Variants in KIAA1671 observed in about 807,000 individuals in gnomAD.
KIAA1671 encodes uncharacterized protein KIAA1671.
In KIAA1671, 52 loss-of-function variants were observed where a neutral mutation model predicts 131.2. The observed-to-expected ratio is 0.40, with a 90% CI of 0.32 to 0.50. The LOEUF (loss-of-function observed/expected upper bound fraction) is 0.50. Among genes scored for constraint, KIAA1671 ranks in the 20% least tolerant of loss-of-function variants. KIAA1671 has a pLI of 0.73. For synonymous variants in KIAA1671, 1,003 were observed against 961.6 expected (o/e 1.04, Z -0.80); for missense variants, 2,360 against 2,364.2 (o/e 1.00, Z 0.04).
At chr22:25,120,412 G>C (rs1383949139) in intron 6 of KIAA1671, among the ~76,000 whole-genome samples, 1 of 152,210 alleles carries the variant, frequency 6.6e-6, no homozygotes, top group African/African-American at 2.4e-5. Context: ...ATGTCACCCA[G>C]AGAACAATGG....
At chr22:24,994,265 G>T (rs1923993549) in intron 1 of KIAA1671, among the ~76,000 whole-genome samples, 1 of 151,856 alleles carries the variant, frequency 6.6e-6, no homozygotes, top group African/African-American at 2.4e-5. Flanking sequence ...GGAAAGAGTG[G>T]TGTCATAGGT....
intron 6 of KIAA1671, among the ~76,000 whole-genome samples, chr22:25,147,577 G>A (rs968344573): frequency 6.6e-6 from 1 of 152,150 alleles, no homozygotes; most frequent in Admixed American, 6.5e-5. Flanking sequence ...CCTCCTGGAG[G>A]TCCTCTTGGC....
chr22:25,029,515 C>T lies in KIAA1671; in HGVS notation c.1516C>T (p.Pro506Ser). The T allele has an allele frequency of 6.5e-7, 1 of 1,546,082 alleles. No individual in the cohort carries two copies. Among genetic ancestry groups the T allele is most frequent in the Admixed American group, 2.0e-5 (1 of 50,628 alleles). ...EVRRRTFQAR[P>S]LSADLTKLFS... ...CAGGAGGAGGACGTTCCAGGCTCGG[C>T]CGCTGTCGGCGGATTTGACCAAATT... Residue 506 changes from proline to serine, a missense_variant, in exon 3 of 13, where the codon CCG (proline) becomes TCG (serine). Around this residue, in one of 3 missense-constraint regions of KIAA1671, gnomAD observed 1,185 missense variants for 1,126.2 expected, o/e 1.05. Coordinates refer to ENST00000358431, the MANE Select transcript of KIAA1671 (RefSeq NM_001145206.2).
At chr22:25,067,734 A>T (rs1027789513) in intron 6 of KIAA1671, among the ~76,000 whole-genome samples, 1 of 152,086 alleles carries the variant, frequency 6.6e-6, no homozygotes, top group Admixed American at 6.5e-5. Context: ...CTGGGCTGAT[A>T]GGAGACCAGA....
chr22:24,956,069 A>C (rs1043540466), intron 1 of KIAA1671, among the ~76,000 whole-genome samples: 3 of 151,632 alleles, frequency 2.0e-5, no homozygotes, highest in Non-Finnish European at 4.4e-5. Flanking sequence ...AATCCTGGTG[A>C]GAGACCGCGG....
intron 1 of KIAA1671, among the ~76,000 whole-genome samples, chr22:24,995,337 C>T (rs961268896): frequency 6.7e-6 from 1 of 150,244 alleles, no homozygotes; most frequent in Admixed American, 6.6e-5. Context: ...TAGGCGTGAG[C>T]CACTGCGCCC....
In KIAA1671 at chr22:25,093,742, C is replaced by CTT. The variant is rs1930168228; in HGVS notation, c.4530+44379_4530+44380insTT. Among the ~76,000 whole-genome samples, 103 of 118,528 alleles carry CTT rather than the reference C, an allele frequency of 8.7e-4. 1 individual carries two copies. The highest frequency in any genetic ancestry group is 1.3e-3 in the Non-Finnish European group (76 of 56,938). 77.8% of individuals were successfully genotyped at this position (118,528 alleles called of 152,430 possible). On this transcript the variant is annotated intron_variant, in intron 6 of 12. Coordinates refer to ENST00000358431, the MANE Select transcript of KIAA1671 (RefSeq NM_001145206.2). The stretch of plus-strand genomic sequence containing the variant: ...ACACACACACACACACACACACTCT[C>CTT]TCTCTCTCTCTCTCTCTCTCTCTCT...
At chr22:25,104,510 G>A (rs1051876187) in intron 6 of KIAA1671, among the ~76,000 whole-genome samples, 1 of 152,150 alleles carries the variant, frequency 6.6e-6, no homozygotes, top group African/African-American at 2.4e-5. Flanking sequence ...AACGTGCCCC[G>A]ACTTCCTGGC....
intron 6 of KIAA1671, among the ~76,000 whole-genome samples, chr22:25,164,495 T>G (rs9608375): frequency 0.11 from 16,121 of 152,288 alleles, 925 homozygotes; most frequent in East Asian, 0.16. Flanking sequence ...CAGGCAGAGC[T>G]CTCTGCCTGC....
chr22:25,088,709 C>T (rs541723522), intron 6 of KIAA1671, among the ~76,000 whole-genome samples: 1 of 152,190 alleles, frequency 6.6e-6, no homozygotes, highest in African/African-American at 2.4e-5. Context: ...CAGTGCAAAA[C>T]AGTGTTCTAA....
intron 1 of KIAA1671, among the ~76,000 whole-genome samples, chr22:25,017,452 T>C (rs1925389842): frequency 1.3e-5 from 2 of 152,198 alleles, no homozygotes; most frequent in Admixed American, 1.3e-4. Flanking sequence ...CATGGCACAC[T>C]GGTGGGCAGG....
chr22:24,984,426 C>T (rs1331710044), intron 1 of KIAA1671, among the ~76,000 whole-genome samples: 3 of 152,186 alleles, frequency 2.0e-5, no homozygotes, highest in Admixed American at 2.0e-4. Context: ...GGACCATCCT[C>T]AAATATAGCT....
At chr22:24,960,961 G>C (rs1278223252) in intron 1 of KIAA1671, among the ~76,000 whole-genome samples, 1 of 152,128 alleles carries the variant, frequency 6.6e-6, no homozygotes, top group East Asian at 1.9e-4. Context: ...GGGAAGGTGA[G>C]AGTTCTTATA....
At chr22:25,122,156 A>T (rs1304645560) in intron 6 of KIAA1671, among the ~76,000 whole-genome samples, 1 of 152,136 alleles carries the variant, frequency 6.6e-6, no homozygotes, top group Non-Finnish European at 1.5e-5. Flanking sequence ...CATAATAGTG[A>T]GGTAGGAAGT....
chr22:25,098,288 C>G (rs1930486652), intron 6 of KIAA1671, among the ~76,000 whole-genome samples: 1 of 152,074 alleles, frequency 6.6e-6, no homozygotes, highest in African/African-American at 2.4e-5. Context: ...CTTCCATCCC[C>G]TCCCCTCCCC....
At chr22:24,957,552 C>A (rs1223074558) in intron 1 of KIAA1671, among the ~76,000 whole-genome samples, 1 of 152,098 alleles carries the variant, frequency 6.6e-6, no homozygotes, top group East Asian at 1.9e-4. Context: ...AAGCCATGTC[C>A]CCCCGGGACC....
At chr22:25,042,616 G>A (rs1415052833) in intron 5 of KIAA1671, among the ~76,000 whole-genome samples, 3 of 151,502 alleles carry the variant, frequency 2.0e-5, no homozygotes, top group South Asian at 4.2e-4. Context: ...ACAGGAGCCC[G>A]CCATCATACC....
intron 1 of KIAA1671, among the ~76,000 whole-genome samples, chr22:24,984,336 C>G (rs983599120): frequency 6.6e-5 from 10 of 152,166 alleles, no homozygotes; most frequent in African/African-American, 2.4e-4. Context: ...TTCTTAGGGT[C>G]ACACAGCTAG....
chr22:25,190,534 C>G (rs1295042109), intron 11 of KIAA1671, among the ~76,000 whole-genome samples, 168 bp from the exon 12 acceptor site: 2 of 152,214 alleles, frequency 1.3e-5, no homozygotes, highest in Non-Finnish European at 2.9e-5. Flanking sequence ...TGGTTAATTT[C>G]TACTTCTTGC....
Sources: gnomAD v4.1 joint callset for allele counts (sites outside exome capture counted in the v4.1 genomes callset) on GRCh38, gnomAD v4.1.1 for gene constraint, gnomAD v4.1.1 regional missense constraint, MANE v1.5 for transcripts, NCBI Gene and HGNC (gene_info 2026-07-23, HGNC 2026-07-21) for gene names.